XKR6: variants seen among roughly 807,000 people sequenced by gnomAD.
XKR6 encodes XK related 6.
In XKR6, 22 loss-of-function variants were observed where a neutral mutation model predicts 56.7. The observed-to-expected ratio is 0.39, with a 90% confidence interval of 0.28 to 0.55. XKR6 has a LOEUF of 0.55. Among genes scored for constraint, XKR6 ranks in the 20% least tolerant of loss-of-function variants. The probability of loss-of-function intolerance (pLI) is 0.66; values close to 1 mark genes in which losing one functional copy is unlikely to be tolerated. For missense variants in XKR6, 852 were observed against 889.0 expected (o/e 0.96, Z 0.53); for synonymous variants, 524 against 387.8 (o/e 1.35, Z -4.13).
At position 10,898,194 on chromosome 8, in the gene XKR6, C is replaced by T; in HGVS notation, c.1684G>A (p.Val562Ile). ...EDLTADTCLPVFQVRPMGPPT... is the reference protein window; with the variant it reads ...EDLTADTCLPIFQVRPMGPPT... ...GGCCCCATGGGTCTCACTTGGAAAA[C>T]AGGCAAGCAAGTGTCAGCCGTGAGA... Residue 562 changes from valine to isoleucine, a missense_variant, in exon 3 of 3, where the codon GTT becomes ATT. Physicochemically the swap from Val to Ile is conservative, Grantham distance 29. Coordinates refer to ENST00000416569, the MANE Select transcript of XKR6 (RefSeq NM_173683.4). This position sits in a 1 kb window ranked among gnomAD's most constrained non-coding sequence, Gnocchi z 6.6. 6.2e-7 allele frequency: 1 copy of T among 1,614,134 alleles called. No individual in the cohort carries two copies. Among genetic ancestry groups the T allele is most frequent in the South Asian group, 1.1e-5 (1 of 91,066 alleles).
At chr8:11,055,939 T>G (rs1249136861) in intron 1 of XKR6, among the ~76,000 whole-genome samples, 1 of 152,136 alleles carries the variant, frequency 6.6e-6, no homozygotes, top group Non-Finnish European at 1.5e-5. Flanking sequence ...CCAGGCAAAC[T>G]AATTTCAAGT....
intron 1 of XKR6, among the ~76,000 whole-genome samples, chr8:10,988,393 C>G (rs896774109): frequency 1.3e-5 from 2 of 152,198 alleles, no homozygotes; most frequent in African/African-American, 4.8e-5. Context: ...TTTCGTATAT[C>G]CTGGTCTCCT....
intron 1 of XKR6, among the ~76,000 whole-genome samples, chr8:11,018,930 T>A (rs1798687068): frequency 6.6e-6 from 1 of 152,178 alleles, no homozygotes; most frequent in Non-Finnish European, 1.5e-5. Context: ...CTGTCTCTCC[T>A]GCCACCATGC....
At chr8:11,156,252 T>G (rs1801514215) in intron 1 of XKR6, among the ~76,000 whole-genome samples, 1 of 152,236 alleles carries the variant, frequency 6.6e-6, no homozygotes, top group Admixed American at 6.5e-5. Context: ...TTTCTCCCTC[T>G]GTTCTGAATG....
intron 1 of XKR6, among the ~76,000 whole-genome samples, chr8:11,154,683 T>G (rs1017560364): frequency 2.0e-5 from 3 of 152,216 alleles, no homozygotes; most frequent in Non-Finnish European, 2.9e-5. Flanking sequence ...AGTCAGTGTA[T>G]TTTTTACAGT....
chr8:11,195,606 G>A (rs1803839273), intron 1 of XKR6, among the ~76,000 whole-genome samples: 1 of 150,558 alleles, frequency 6.6e-6, no homozygotes, highest in Non-Finnish European at 1.5e-5. Context: ...ACTTTTCTTA[G>A]ATCAATTTTA....
At chr8:11,193,284 AT>A (rs1309110175) in intron 1 of XKR6, among the ~76,000 whole-genome samples, 2 of 152,224 alleles carry the variant, frequency 1.3e-5, no homozygotes, top group East Asian at 1.9e-4. Context: ...AACAAAAATT[AT>A]TTTTTAAACC....
chr8:11,156,328 C>A (rs1163071690), intron 1 of XKR6, among the ~76,000 whole-genome samples: 1 of 152,106 alleles, frequency 6.6e-6, no homozygotes, highest in African/African-American at 2.4e-5. Context: ...TAACATCTCC[C>A]CTCTGCAGCT....
intron 1 of XKR6, among the ~76,000 whole-genome samples, chr8:10,973,635 A>T (rs914126243): frequency 6.6e-6 from 1 of 151,944 alleles, no homozygotes; most frequent in South Asian, 2.1e-4. Flanking sequence ...GCCGGAGTGC[A>T]GTGGAACCGT....
Position 11,201,367 on chromosome 8 carries a change from TG to T in XKR6, c.-29del, listed in dbSNP as rs1341417185. ...TGACTCTCTTCCCAGCTCCGGAGGT[TG>T]GGGGGGAGGGACGGCGGGGGGGGGG... On this transcript the variant is annotated 5_prime_UTR_variant, in exon 1 of 3. Coordinates refer to ENST00000416569, the MANE Select transcript of XKR6 (RefSeq NM_173683.4). The T allele has an allele frequency of 3.2e-4, 107 of 330,654 alleles. No homozygotes were observed. The highest frequency in any genetic ancestry group is 4.7e-4 in the African/African-American group (6 of 12,802). 20.5% of individuals were successfully genotyped at this position (330,654 alleles called of 1,614,324 possible). A position where few individuals can be genotyped will look rare whatever the true frequency, so the allele number is the denominator to read the frequency against.
At chr8:10,984,732 C>CTCTATATATATATATA in intron 1 of XKR6, among the ~76,000 whole-genome samples, 46 of 47,480 alleles carry the variant, frequency 9.7e-4, no homozygotes, top group African/African-American at 2.8e-3. Flanking sequence ...CTCTCTCTCT[C>CTCTATATATATATATA]TATATATATA....
intron 2 of XKR6, among the ~76,000 whole-genome samples, chr8:10,904,415 A>T (rs1247574725): frequency 6.6e-6 from 1 of 152,256 alleles, no homozygotes; most frequent in African/African-American, 2.4e-5. Context: ...ACACAGAGCC[A>T]GAAAGGCAGT....
chr8:10,925,202 C>T (rs912490834), intron 1 of XKR6, among the ~76,000 whole-genome samples: 16 of 152,046 alleles, frequency 1.1e-4, no homozygotes, highest in Non-Finnish European at 1.5e-4. Context: ...TTCAGGACCC[C>T]GGGGGGAAAC....
Position 11,024,204 on chromosome 8 carries a change from GGTGTGTGT to G in XKR6, c.765-99382_765-99375del, listed in dbSNP as rs61021720. 6.7e-3 allele frequency among the ~76,000 whole-genome samples: 911 copies of G among 136,886 alleles called. 8 individuals are homozygous for G. The highest frequency in any genetic ancestry group is 0.017 in the African/African-American group (631 of 37,368). 89.8% of individuals were successfully genotyped at this position (136,886 alleles called of 152,430 possible). On this transcript the variant is annotated intron_variant, in intron 1 of 2. Transcript: ENST00000416569. ...GTTGCAGACAACATACCTGTTAGGA[GGTGTGTGT>G]GTGTGTGTGTGTGTGTGTGTGTGTG...
At chr8:11,120,299 C>A (rs957654318) in intron 1 of XKR6, among the ~76,000 whole-genome samples, 9 of 152,178 alleles carry the variant, frequency 5.9e-5, no homozygotes, top group Non-Finnish European at 8.8e-5. Flanking sequence ...ATCGCCTCAG[C>A]CCAAAATCTC....
At chr8:11,150,272 C>T (rs1801208658) in intron 1 of XKR6, among the ~76,000 whole-genome samples, 1 of 152,170 alleles carries the variant, frequency 6.6e-6, no homozygotes, top group African/African-American at 2.4e-5. Context: ...TACTCAATGT[C>T]ATGGATACCC....
chr8:10,963,569 T>C (rs1802128881), intron 1 of XKR6, among the ~76,000 whole-genome samples: 1 of 149,992 alleles, frequency 6.7e-6, no homozygotes, highest in Non-Finnish European at 1.5e-5. Context: ...TGAGATCGAG[T>C]CTCACTCTGT....
At chr8:11,131,986 GT>G (rs1231987007) in intron 1 of XKR6, among the ~76,000 whole-genome samples, 1 of 152,094 alleles carries the variant, frequency 6.6e-6, no homozygotes, top group Non-Finnish European at 1.5e-5. Flanking sequence ...GACTGTGTAT[GT>G]TTTTCCCCTA....
At chr8:10,965,990 C>A (rs1243613110) in intron 1 of XKR6, among the ~76,000 whole-genome samples, 2 of 152,200 alleles carry the variant, frequency 1.3e-5, no homozygotes, top group Admixed American at 1.3e-4. Flanking sequence ...GCTGAGAAGA[C>A]TGAGCTGGGA....
Sources: gnomAD v4.1 joint callset for allele counts (sites outside exome capture counted in the v4.1 genomes callset) on GRCh38, gnomAD v4.1.1 for gene constraint, Gnocchi (gnomAD v3.1) non-coding constraint, MANE v1.5 for transcripts, NCBI Gene and HGNC (gene_info 2026-07-23, HGNC 2026-07-21) for gene names.